CHMP3: variants seen among roughly 807,000 people sequenced by gnomAD.
The protein encoded by CHMP3 is charged multivesicular body protein 3.
Under a neutral mutation model 27.4 loss-of-function variants are expected in CHMP3, and 8 were observed. The ratio of observed to expected loss-of-function variants is 0.29; its 90% CI spans 0.17 to 0.53. The LOEUF (loss-of-function observed/expected upper bound fraction) is 0.53. CHMP3 is among the 20% of genes least tolerant of loss of function. The probability of loss-of-function intolerance (pLI) is 0.96; values close to 1 mark genes in which losing one functional copy is unlikely to be tolerated. For missense variants in CHMP3, 208 were observed against 271.5 expected, an observed-to-expected ratio of 0.77 and a Z score of 1.64; for synonymous variants, 86 against 85.5, an observed-to-expected ratio of 1.01 and a Z score of -0.03.
intron 3 of CHMP3, among the ~76,000 whole-genome samples, chr2:86,526,045 A>G (rs1675697435): frequency 6.6e-6 from 1 of 152,240 alleles, no homozygotes; most frequent in African/African-American, 2.4e-5. Flanking sequence ...GAGGCCAAAG[A>G]GCAAATACTT....
At chr2:86,533,169 A>G (rs1675993973) in intron 2 of CHMP3, among the ~76,000 whole-genome samples, 1 of 152,124 alleles carries the variant, frequency 6.6e-6, no homozygotes, top group Admixed American at 6.5e-5. Flanking sequence ...TCATGTTTCT[A>G]GTAATTTGTC....
intron 1 of CHMP3, among the ~76,000 whole-genome samples, chr2:86,545,064 C>T (rs1243372098): frequency 1.2e-4 from 1 of 8,282 alleles, no homozygotes; most frequent in Non-Finnish European, 2.9e-4. Context: ...CCTCACCTCC[C>T]GGACGAAGGG....
intron 3 of CHMP3, among the ~76,000 whole-genome samples, chr2:86,516,146 CAAAAAA>C (rs35800757): frequency 2.4e-5 from 2 of 83,686 alleles, no homozygotes; most frequent in East Asian, 2.6e-4. Flanking sequence ...GACTCCATCT[CAAAAAA>C]AAAAAAAAAA....
chr2:86,548,521 A>G (rs1309114781), intron 1 of CHMP3, among the ~76,000 whole-genome samples: 2 of 152,232 alleles, frequency 1.3e-5, no homozygotes, highest in Non-Finnish European at 2.9e-5. Context: ...TTATAGATTA[A>G]CAGCATCCCA....
chr2:86,512,937 T>A (rs1343635111), intron 3 of CHMP3, among the ~76,000 whole-genome samples: 2 of 152,170 alleles, frequency 1.3e-5, no homozygotes, highest in African/African-American at 2.4e-5. Flanking sequence ...GAATGCAAAA[T>A]GGTACAGCCA....
chr2:86,516,307 A>T (rs928087248), intron 3 of CHMP3, among the ~76,000 whole-genome samples: 1 of 152,312 alleles, frequency 6.6e-6, no homozygotes, highest in East Asian at 1.9e-4. Flanking sequence ...CCAGAAATAA[A>T]AAAGGGTTCA....
chr2:86,530,543 A>G (rs1675880869), intron 2 of CHMP3, among the ~76,000 whole-genome samples: 1 of 152,216 alleles, frequency 6.6e-6, no homozygotes, highest in African/African-American at 2.4e-5. Context: ...TTAAAGCTCA[A>G]TAATATTCCA....
chr2:86,553,543 G>A (rs1676994936), intron 1 of CHMP3, among the ~76,000 whole-genome samples: 1 of 152,142 alleles, frequency 6.6e-6, no homozygotes. Context: ...TGTTGGCCAG[G>A]ATGATCTCAA....
intron 3 of CHMP3, among the ~76,000 whole-genome samples, chr2:86,519,555 G>A (rs1183646054): frequency 6.6e-6 from 1 of 152,022 alleles, no homozygotes; most frequent in Non-Finnish European, 1.5e-5. Context: ...TTTTTATATG[G>A]TATTTACAGA....
rs201638147 is a variant in CHMP3 at position 86,510,310 on chromosome 2, G to A, written c.408+48C>T. On this transcript the variant is annotated intron_variant, in intron 4 of 5. Coordinates refer to ENST00000263856, the MANE Select transcript of CHMP3 (RefSeq NM_016079.4). ...TCCCTAGCCCCCTGTTACTTGTTTA[G>A]AGTGACTCTGGGGTTTGGAAAGGAA... 5.9e-4 allele frequency: 721 copies of A among 1,213,446 alleles called. 2 individuals carry two copies. In the African/African-American group the frequency reaches 9.0e-3, roughly 15 times the overall value. The allele number at this position is 1,213,446 out of a possible 1,614,324, so 75.2% of individuals were successfully genotyped here.
At chr2:86,515,824 T>G (rs1162063297) in intron 3 of CHMP3, among the ~76,000 whole-genome samples, 3 of 152,212 alleles carry the variant, frequency 2.0e-5, no homozygotes, top group Non-Finnish European at 4.4e-5. Context: ...CTTTTCTTTT[T>G]TGTATTGATC....
intron 2 of CHMP3, among the ~76,000 whole-genome samples, chr2:86,537,699 G>T (rs1676203349): frequency 6.6e-6 from 1 of 152,072 alleles, no homozygotes. Flanking sequence ...TCAGCACAAG[G>T]TATAAACTCA....
chr2:86,554,654 A>G (rs1007439301), intron 1 of CHMP3, among the ~76,000 whole-genome samples: 5 of 152,312 alleles, frequency 3.3e-5, no homozygotes, highest in African/African-American at 1.2e-4. Flanking sequence ...ATTTTTGTAC[A>G]AAGAAGTCAT....
Position 86,507,254 on chromosome 2 carries a change from A to G in CHMP3, c.523+225T>C, listed in dbSNP as rs182635914. The G allele has an allele frequency of 8.3e-5, 39 of 472,706 alleles. No individual in the cohort carries two copies. In the East Asian group the frequency reaches 1.5e-3, roughly 18 times the overall value. 29.3% of individuals were successfully genotyped at this position (472,706 alleles called of 1,614,324 possible). A position where few individuals can be genotyped will look rare whatever the true frequency, so the allele number is the denominator to read the frequency against. On this transcript the variant is annotated intron_variant, in intron 5 of 5. Coordinates refer to ENST00000263856, the MANE Select transcript of CHMP3 (RefSeq NM_016079.4). ...CCCAACAGCAGTATATGAGAGCAGT[A>G]TCTTCCTTTAAAATCATGCAAACTC...
At chr2:86,559,859 C>A in intron 1 of CHMP3, among the ~76,000 whole-genome samples, 1 of 152,234 alleles carries the variant, frequency 6.6e-6, no homozygotes, top group South Asian at 2.1e-4. Flanking sequence ...TTCTGATCAT[C>A]TCAGCCTGGA....
At chr2:86,507,241 A>G (rs1674922002) in intron 5 of CHMP3, 7 of 427,540 alleles carry the variant, frequency 1.6e-5, no homozygotes, top group Admixed American at 7.3e-5. Flanking sequence ...CAACAGCAGT[A>G]TATGAGAGCA....
intron 3 of CHMP3, among the ~76,000 whole-genome samples, chr2:86,527,519 A>G (rs1406989945): frequency 1.3e-5 from 2 of 152,236 alleles, no homozygotes; most frequent in Non-Finnish European, 2.9e-5. Flanking sequence ...ATAAAAGACA[A>G]TAATACTTGA....
At chr2:86,547,209 C>T (rs1676645423) in intron 1 of CHMP3, among the ~76,000 whole-genome samples, 1 of 152,160 alleles carries the variant, frequency 6.6e-6, no homozygotes, top group South Asian at 2.1e-4. Flanking sequence ...TCTTATTCAC[C>T]AAGCCCTTGC....
chr2:86,512,601 G>T (rs1000165959), intron 3 of CHMP3: 35 of 152,242 alleles, frequency 2.3e-4, no homozygotes, highest in Admixed American at 2.0e-3. Flanking sequence ...GCCCCAAGCT[G>T]CAGGAAAATA....
Sources: allele counts gnomAD v4.1 joint callset (sites outside exome capture counted in the v4.1 genomes callset), GRCh38; gene constraint gnomAD v4.1.1; transcripts MANE v1.5; gene names NCBI Gene and HGNC (gene_info 2026-07-23, HGNC 2026-07-21).